Variants in LIMA1 observed in about 807,000 individuals in gnomAD.
LIMA1 encodes LIM domain and actin-binding protein 1.
A neutral mutation model predicts 62.6 loss-of-function variants in LIMA1; 52 were observed. The ratio of observed to expected loss-of-function variants is 0.83; its 90% CI spans 0.67 to 1.05. The LOEUF is 1.05. Ranked by LOEUF, LIMA1 falls within the 50% of genes least tolerant of loss-of-function variation. The pLI, the probability that LIMA1 is intolerant of heterozygous loss-of-function variation, is 0.00. For missense variants in LIMA1, 780 were observed against 902.2 expected (o/e 0.86, Z 1.74); for synonymous variants, 302 against 317.8 (o/e 0.95, Z 0.53).
intron 7 of LIMA1, among the ~76,000 whole-genome samples, chr12:50,199,653 T>G (rs1565836607): frequency 2.0e-5 from 3 of 152,178 alleles, no homozygotes; most frequent in African/African-American, 7.2e-5. Context: ...ATGGAATGGT[T>G]TGTCAATAAG....
At chr12:50,219,451 C>T (rs1941405378) in intron 4 of LIMA1, among the ~76,000 whole-genome samples, 1 of 152,112 alleles carries the variant, frequency 6.6e-6, no homozygotes, top group Non-Finnish European at 1.5e-5. Context: ...CACCAATACA[C>T]TCCAGCCTGA....
chr12:50,220,395 C>T (rs1941421008), intron 4 of LIMA1: 1 of 152,100 alleles, frequency 6.6e-6, no homozygotes, highest in African/African-American at 2.4e-5. Flanking sequence ...TTCTCCTCTC[C>T]AAGCAGCCTT....
intron 4 of LIMA1, among the ~76,000 whole-genome samples, chr12:50,208,201 T>C (rs1045281213): frequency 6.6e-6 from 1 of 151,842 alleles, no homozygotes; most frequent in Admixed American, 6.6e-5. Context: ...GATACAAAAG[T>C]TAGACTGGGC....
intron 1 of LIMA1, among the ~76,000 whole-genome samples, chr12:50,259,212 A>G (rs558712463): frequency 2.6e-3 from 396 of 152,238 alleles, no homozygotes; most frequent in Middle Eastern, 0.024. Context: ...TTCACCTTAA[A>G]AGACTCAAGT....
chr12:50,218,288 A>C (rs190283254), intron 4 of LIMA1: 1 of 152,900 alleles, frequency 6.5e-6, no homozygotes, highest in Admixed American at 6.5e-5. Context: ...TGAATAGCGT[A>C]CACCTGGTTG....
intron 4 of LIMA1, among the ~76,000 whole-genome samples, chr12:50,216,096 C>T (rs1941341065): frequency 6.6e-6 from 1 of 151,480 alleles, no homozygotes; most frequent in Admixed American, 6.6e-5. Flanking sequence ...ACTAGTTGGT[C>T]AGTTATCTTT....
At chr12:50,282,371 G>C (rs777635169) in intron 1 of LIMA1, among the ~76,000 whole-genome samples, 3 of 152,150 alleles carry the variant, frequency 2.0e-5, no homozygotes, top group Admixed American at 2.0e-4. Context: ...GCAAAAGAAA[G>C]AATACTTAAT....
chr12:50,177,120 C>G lies in LIMA1; in HGVS notation c.2224G>C (p.Val742Leu). ...WEGEVVKELSVEEQIKRNRYY... is the reference protein window; with the variant it reads ...WEGEVVKELSLEEQIKRNRYY... ...CGATTTCTCTTTATCTGTTCTTCCA[C>G]AGAGAGCTCTTTGACCACTTCTCCC... is the stretch of plus-strand genomic sequence containing the variant. Residue 742 changes from valine (V) to leucine (L), a missense_variant, in exon 11 of 11, where the codon GTG becomes CTG. Coordinates refer to ENST00000341247, the MANE Select transcript of LIMA1 (RefSeq NM_016357.5). 6 of 1,610,232 alleles carry G rather than the reference C, an allele frequency of 3.7e-6. No individual in the cohort carries two copies. Among genetic ancestry groups the G allele is most frequent in the Non-Finnish European group, 5.1e-6 (6 of 1,178,744 alleles).
At chr12:50,272,189 G>GATC (rs903011734) in intron 1 of LIMA1, among the ~76,000 whole-genome samples, 1 of 152,064 alleles carries the variant, frequency 6.6e-6, no homozygotes, top group Non-Finnish European at 1.5e-5. Context: ...TCAATCTGAA[G>GATC]AGTCAGTTCA....
At position 50,234,555 on chromosome 12, in the gene LIMA1, T is replaced by C. The variant is rs534077157; in HGVS notation, c.120-2845A>G. The stretch of plus-strand genomic sequence containing the variant: ...TTCCTCCAGACCTCTGAGTCATGCA[T>C]TGAAGTCAGCACCACCACGTGGAGA... On this transcript the variant is annotated intron_variant, in intron 2 of 10. Transcript: ENST00000341247. 9.2e-5 allele frequency among the ~76,000 whole-genome samples: 14 copies of C among 152,200 alleles called. No homozygotes were observed. The South Asian group carries it at 2.5e-3, about 27-fold the overall frequency.
At chr12:50,267,960 T>C (rs568807561) in intron 1 of LIMA1, among the ~76,000 whole-genome samples, 2 of 152,298 alleles carry the variant, frequency 1.3e-5, no homozygotes, top group East Asian at 3.9e-4. Context: ...CGGCCACATT[T>C]ATTTTTTTAA....
At chr12:50,277,224 T>C (rs535326406) in intron 1 of LIMA1, among the ~76,000 whole-genome samples, 52 of 152,206 alleles carry the variant, frequency 3.4e-4, no homozygotes, top group African/African-American at 1.2e-3. Flanking sequence ...TCTTTTTTTT[T>C]CTTTTCTTCC....
intron 3 of LIMA1, among the ~76,000 whole-genome samples, chr12:50,226,259 C>A (rs924800200): frequency 2.6e-5 from 4 of 151,662 alleles, no homozygotes; most frequent in Admixed American, 2.0e-4. Context: ...GTTGCCCAGG[C>A]TCAAACTCCC....
At chr12:50,189,537 T>C (rs1248230844) in intron 9 of LIMA1, 4 of 152,156 alleles carry the variant, frequency 2.6e-5, no homozygotes, top group Non-Finnish European at 4.4e-5. Context: ...ACTAAAGAAG[T>C]GTGGGTAATC....
intron 3 of LIMA1, among the ~76,000 whole-genome samples, chr12:50,223,298 C>G (rs1941478265): frequency 6.6e-6 from 1 of 151,838 alleles, no homozygotes; most frequent in Non-Finnish European, 1.5e-5. Context: ...GCCAGACCAA[C>G]ATGGAGAAAC....
chr12:50,195,300 G>A (rs1363448066), intron 8 of LIMA1, among the ~76,000 whole-genome samples: 1 of 152,090 alleles, frequency 6.6e-6, no homozygotes, highest in Admixed American at 6.6e-5. Context: ...TTGGGAAAAG[G>A]GAGGCTCAAA....
chr12:50,225,558 T>A (rs1941514910), intron 3 of LIMA1, among the ~76,000 whole-genome samples: 1 of 152,256 alleles, frequency 6.6e-6, no homozygotes, highest in South Asian at 2.1e-4. Flanking sequence ...ATCTTCAATC[T>A]TTTTTTCTTT....
chr12:50,241,964 TTTTTTTTTG>T (rs1348773614), intron 2 of LIMA1, among the ~76,000 whole-genome samples: 3 of 102,372 alleles, frequency 2.9e-5, no homozygotes, highest in South Asian at 3.7e-4. Flanking sequence ...TTTTTTTTTT[TTTTTTTTTG>T]CGGTCCAGCC....
intron 4 of LIMA1, among the ~76,000 whole-genome samples, chr12:50,220,969 T>C (rs973490868): frequency 2.6e-5 from 4 of 152,180 alleles, no homozygotes; most frequent in African/African-American, 9.7e-5. Context: ...TTCAAGAACT[T>C]TTCTAATTCT....
Sources: allele counts gnomAD v4.1 joint callset (sites outside exome capture counted in the v4.1 genomes callset), GRCh38; gene constraint gnomAD v4.1.1; transcripts MANE v1.5; gene names NCBI Gene and HGNC (gene_info 2026-07-23, HGNC 2026-07-21).